FRMD6: variants seen among roughly 807,000 people sequenced by gnomAD.
The protein encoded by FRMD6 is FERM domain containing 6, also known as FERM domain-containing protein 6.
In FRMD6, 37 loss-of-function variants were observed where a neutral mutation model predicts 73.2. The ratio of observed to expected loss-of-function variants is 0.51; its 90% CI spans 0.39 to 0.66. FRMD6 has a LOEUF of 0.66. Ranked by LOEUF, FRMD6 falls within the 30% of genes least tolerant of loss-of-function variation. The pLI, the probability that FRMD6 is intolerant of heterozygous loss-of-function variation, is 0.00. For synonymous variants in FRMD6, 273 were observed against 282.2 expected (o/e 0.97, Z 0.33); for missense variants, 714 against 780.5 (o/e 0.91, Z 1.02).
At chr14:51,589,610 G>A (rs1223985157) in intron 2 of FRMD6, among the ~76,000 whole-genome samples, 1 of 151,802 alleles carries the variant, frequency 6.6e-6, no homozygotes, top group Non-Finnish European at 1.5e-5. Context: ...ATCATTCCTG[G>A]CTCATTTTCT....
chr14:51,573,969 G>C (rs879768475), intron 2 of FRMD6, among the ~76,000 whole-genome samples: 1 of 152,168 alleles, frequency 6.6e-6, no homozygotes, highest in African/African-American at 2.4e-5. Context: ...ATAATAATTA[G>C]TTATTACTAA....
intron 2 of FRMD6, among the ~76,000 whole-genome samples, chr14:51,642,791 A>G (rs773860019): frequency 2.0e-5 from 3 of 152,210 alleles, no homozygotes; most frequent in Non-Finnish European, 4.4e-5. Flanking sequence ...AGGACTAGAG[A>G]TTAGGTTTTG....
intron 2 of FRMD6, among the ~76,000 whole-genome samples, chr14:51,691,169 A>T (rs1360408927): frequency 6.6e-6 from 1 of 152,184 alleles, no homozygotes; most frequent in Non-Finnish European, 1.5e-5. Flanking sequence ...AAATTTATTC[A>T]TGTGAATCCA....
chr14:51,558,404 G>C (rs1024827040), intron 1 of FRMD6, among the ~76,000 whole-genome samples: 1 of 151,502 alleles, frequency 6.6e-6, no homozygotes. Context: ...GGAGGTGGAG[G>C]TTGCAGTGAG....
the FRMD6 span, among the ~76,000 whole-genome samples, chr14:51,413,419 C>T: frequency 6.6e-6 from 1 of 152,186 alleles, no homozygotes; most frequent in South Asian, 2.1e-4. Context: ...GTTTGGTTTT[C>T]TGTCCTTGTG....
chr14:51,507,083 GACACACACACACACAC>G (rs200052672), intron 1 of FRMD6, among the ~76,000 whole-genome samples: 2,993 of 139,074 alleles, frequency 0.022, 95 homozygotes, highest in African/African-American at 0.073. Flanking sequence ...TGGTTGTATA[GACACACACACACACAC>G]ACACACACAC....
At chr14:51,556,375 G>A (rs776184039) in intron 1 of FRMD6, among the ~76,000 whole-genome samples, 2 of 152,186 alleles carry the variant, frequency 1.3e-5, no homozygotes, top group Non-Finnish European at 2.9e-5. Flanking sequence ...CTTAACAAGT[G>A]TCAAAACATT....
chr14:51,437,551 C>T, the FRMD6 span, among the ~76,000 whole-genome samples: 1 of 152,228 alleles, frequency 6.6e-6, no homozygotes, highest in African/African-American at 2.4e-5. Flanking sequence ...ATCCGCCCGC[C>T]TCGGCCTCTC....
At position 51,712,869 on chromosome 14, in the gene FRMD6, A is replaced by AT. The variant is rs1261745529; in HGVS notation, c.849+321dup. Among the ~76,000 whole-genome samples, 3 of 152,208 alleles carry AT rather than the reference A, an allele frequency of 2.0e-5. No individual in the cohort carries two copies. The East Asian group carries it at 5.8e-4, about 29-fold the overall frequency. On this transcript the variant is annotated intron_variant, in intron 9 of 13. Coordinates refer to ENST00000344768, the MANE Select transcript of FRMD6 (RefSeq NM_001267046.2). Reference sequence around the variant, plus strand: ...CTAAGTTATTCTAGTTGCAGAAGGTATTTCGCGTAGAGGTTAGCCAGTTCT... The same window carrying AT: ...CTAAGTTATTCTAGTTGCAGAAGGTATTTTCGCGTAGAGGTTAGCCAGTTCT...
intron 10 of FRMD6, among the ~76,000 whole-genome samples, chr14:51,718,946 A>G (rs373675208): frequency 3.9e-5 from 6 of 152,198 alleles, no homozygotes; most frequent in African/African-American, 9.7e-5. Flanking sequence ...ATTTTCACTT[A>G]ACCAAGAAAC....
chr14:51,558,728 C>A (rs1022639128), intron 1 of FRMD6, among the ~76,000 whole-genome samples: 13 of 152,070 alleles, frequency 8.5e-5, no homozygotes, highest in Non-Finnish European at 1.8e-4. Context: ...CATGTGGTAA[C>A]ATAGTAGCCC....
At chr14:51,699,457 TA>T (rs1896151002) in intron 3 of FRMD6, among the ~76,000 whole-genome samples, 1 of 152,044 alleles carries the variant, frequency 6.6e-6, no homozygotes, top group Admixed American at 6.6e-5. Context: ...ATAAGTCCAA[TA>T]AAACCAGTTT....
At chr14:51,665,455 A>G (rs942378153) in intron 1 of FRMD6, among the ~76,000 whole-genome samples, 3 of 151,586 alleles carry the variant, frequency 2.0e-5, no homozygotes, top group Non-Finnish European at 2.9e-5. Context: ...TGTTCTTCCC[A>G]TTGTCCTGTC....
intron 1 of FRMD6, among the ~76,000 whole-genome samples, chr14:51,523,250 C>G (rs1885044970): frequency 6.6e-6 from 1 of 151,980 alleles, no homozygotes; most frequent in South Asian, 2.1e-4. Context: ...GTCTTAGTGC[C>G]TTGGGGAAAT....
the FRMD6 span, among the ~76,000 whole-genome samples, chr14:51,450,281 T>C: frequency 9.3e-3 from 1,417 of 152,278 alleles, 27 homozygotes; most frequent in African/African-American, 0.032. Flanking sequence ...ATAAAATTCT[T>C]TGAGTTTCAA....
At chr14:51,436,846 TGAA>T in the FRMD6 span, 130 of 609,110 alleles carry the variant, frequency 2.1e-4, 1 homozygote, top group East Asian at 3.3e-3. Flanking sequence ...AAGATGATGA[TGAA>T]GAAGAGGAGA....
chr14:51,721,865 A>G (rs981053332), intron 11 of FRMD6, 84 bp from the exon 12 acceptor site: 11 of 1,496,206 alleles, frequency 7.4e-6, no homozygotes, highest in African/African-American at 1.4e-5. Context: ...GAATAATTAC[A>G]TAGCCACCCT....
intron 2 of FRMD6, among the ~76,000 whole-genome samples, chr14:51,580,085 T>C (rs1425330967): frequency 6.6e-6 from 1 of 152,062 alleles, no homozygotes; most frequent in Non-Finnish European, 1.5e-5. Flanking sequence ...TTTGTAGCAT[T>C]GTTGTTAGAA....
chr14:51,723,851 A>T (rs1897783588), intron 12 of FRMD6, among the ~76,000 whole-genome samples: 1 of 152,118 alleles, frequency 6.6e-6, no homozygotes, highest in South Asian at 2.1e-4. Context: ...TAAATTCGAG[A>T]TTTTCAAACA....
Sources: gnomAD v4.1 joint callset for allele counts (sites outside exome capture counted in the v4.1 genomes callset) on GRCh38, gnomAD v4.1.1 for gene constraint, MANE v1.5 for transcripts, NCBI Gene and HGNC (gene_info 2026-07-23, HGNC 2026-07-21) for gene names.